Variants in CLEC19A observed in about 807,000 individuals in gnomAD.
CLEC19A encodes the protein C-type lectin domain containing 19A, also known as C-type lectin domain family 19 member A.
CLEC19A carries 21 observed loss-of-function variants against 26.1 expected under a neutral mutation model. The ratio of observed to expected loss-of-function variants is 0.80; its 90% CI spans 0.57 to 1.16. The LOEUF (loss-of-function observed/expected upper bound fraction) is 1.16. Among genes scored for constraint, CLEC19A ranks in the 50% most tolerant of loss-of-function variants. The pLI is 0.00. For missense variants in CLEC19A, 224 were observed against 227.6 expected, an observed-to-expected ratio of 0.98 and a Z score of 0.10; for synonymous variants, 89 against 88.6, an observed-to-expected ratio of 1.00 and a Z score of -0.03.
At chr16:19,288,646 A>G (rs1034298083) in intron 1 of CLEC19A, among the ~76,000 whole-genome samples, 3 of 152,200 alleles carry the variant, frequency 2.0e-5, no homozygotes, top group Non-Finnish European at 4.4e-5. Context: ...CTTTTCTCTG[A>G]ATCTGCCTTT....
chr16:19,293,097 G>T (rs1160748407), intron 1 of CLEC19A, among the ~76,000 whole-genome samples: 1 of 152,172 alleles, frequency 6.6e-6, no homozygotes, highest in Non-Finnish European at 1.5e-5. Context: ...GAATAGACAT[G>T]ACTTGAAAAT....
chr16:19,297,975 C>T (rs868435046), intron 1 of CLEC19A, among the ~76,000 whole-genome samples: 9 of 152,026 alleles, frequency 5.9e-5, no homozygotes, highest in Middle Eastern at 3.2e-3. Context: ...TGGCCGGGTG[C>T]GGTGGCTCAC....
intron 1 of CLEC19A, among the ~76,000 whole-genome samples, chr16:19,296,676 C>G (rs1022058416): frequency 1.4e-4 from 22 of 152,328 alleles, no homozygotes; most frequent in African/African-American, 5.3e-4. Flanking sequence ...GCGAGTTACT[C>G]AACCTGCCTT....
intron 2 of CLEC19A, among the ~76,000 whole-genome samples, chr16:19,301,916 G>T (rs1027650201): frequency 6.6e-6 from 1 of 151,726 alleles, no homozygotes; most frequent in East Asian, 1.9e-4. Context: ...AAACTTGTGA[G>T]GCATTAAAAG....
Sources: gnomAD v4.1 joint callset for allele counts (sites outside exome capture counted in the v4.1 genomes callset) on GRCh38, gnomAD v4.1.1 for gene constraint, MANE v1.5 for transcripts, NCBI Gene and HGNC (gene_info 2026-07-23, HGNC 2026-07-21) for gene names.